IL1RAPL2: variants seen among roughly 807,000 people sequenced by gnomAD.
IL1RAPL2 encodes X-linked interleukin-1 receptor accessory protein-like 2.
A neutral mutation model predicts 44.1 loss-of-function variants in IL1RAPL2; 3 were observed. The observed-to-expected ratio is 0.07, with a 90% CI of 0.03 to 0.18. The LOEUF (loss-of-function observed/expected upper bound fraction) is 0.18, where lower values mean the gene tolerates loss of function less well. IL1RAPL2 is among the 10% of genes least tolerant of loss of function. The pLI, the probability that IL1RAPL2 is intolerant of heterozygous loss-of-function variation, is 1.00. For missense variants in IL1RAPL2, 391 were observed against 496.4 expected, an observed-to-expected ratio of 0.79 and a Z score of 2.02; for synonymous variants, 181 against 178.8, an observed-to-expected ratio of 1.01 and a Z score of -0.10.
chrX:105,435,117 T>G (rs2035872649), intron 5 of IL1RAPL2, among the ~76,000 whole-genome samples: 1 of 111,885 alleles, frequency 8.9e-6, no homozygotes, highest in South Asian at 3.7e-4. Context: ...TACTGTAGCC[T>G]TGTAGTATAG....
chrX:105,048,345 G>A (rs1365048624), intron 2 of IL1RAPL2, among the ~76,000 whole-genome samples: 2 of 111,822 alleles, frequency 1.8e-5, no homozygotes, highest in African/African-American at 6.5e-5. Context: ...TAAATCACTG[G>A]ACTGATTTGT....
intron 5 of IL1RAPL2, among the ~76,000 whole-genome samples, chrX:105,396,525 T>A (rs1197717300): frequency 9.9e-6 from 1 of 100,653 alleles, no homozygotes; most frequent in Non-Finnish European, 2.0e-5. Context: ...TCTATGTCTT[T>A]TATGTTATTT....
At chrX:104,606,430 C>T (rs992631544) in intron 1 of IL1RAPL2, among the ~76,000 whole-genome samples, 1 of 111,888 alleles carries the variant, frequency 8.9e-6, no homozygotes, top group Admixed American at 9.5e-5. Context: ...TGCCCTCTCT[C>T]ACCACTCTTA....
At chrX:105,327,685 T>C (rs2034951202) in intron 5 of IL1RAPL2, among the ~76,000 whole-genome samples, 1 of 111,395 alleles carries the variant, frequency 9.0e-6, no homozygotes, top group East Asian at 2.8e-4. Flanking sequence ...TAGGGGCTGG[T>C]AGGAAGGCTT....
chrX:105,133,264 T>A (rs954737171), intron 2 of IL1RAPL2, among the ~76,000 whole-genome samples: 1 of 111,905 alleles, frequency 8.9e-6, no homozygotes, highest in Non-Finnish European at 1.9e-5. Context: ...GTAACATTAT[T>A]TTTATTGATT....
At chrX:105,023,339 C>T (rs2031313885) in intron 2 of IL1RAPL2, among the ~76,000 whole-genome samples, 1 of 111,450 alleles carries the variant, frequency 9.0e-6, no homozygotes, top group Non-Finnish European at 1.9e-5. Context: ...TATCAGATGT[C>T]TTCCCTGATC....
intron 2 of IL1RAPL2, among the ~76,000 whole-genome samples, chrX:104,991,781 C>T (rs2030666801): frequency 1.8e-5 from 2 of 111,437 alleles, no homozygotes; most frequent in Non-Finnish European, 3.8e-5. Context: ...GTGGGGAAGA[C>T]AACTAAGAAA....
At chrX:104,600,246 G>C (rs974041081) in intron 1 of IL1RAPL2, among the ~76,000 whole-genome samples, 1 of 111,748 alleles carries the variant, frequency 8.9e-6, no homozygotes, top group South Asian at 3.8e-4. Context: ...TCTTTGACAT[G>C]TAACCTAACA....
chrX:104,662,863 G>T (rs1269490637), intron 2 of IL1RAPL2, among the ~76,000 whole-genome samples: 2 of 111,832 alleles, frequency 1.8e-5, no homozygotes, highest in Non-Finnish European at 3.8e-5. Flanking sequence ...GCATCAGTCT[G>T]ATGAGTGGGT....
chrX:105,363,587 C>T (rs780762920), intron 5 of IL1RAPL2, among the ~76,000 whole-genome samples: 1 of 108,356 alleles, frequency 9.2e-6, no homozygotes, highest in South Asian at 3.9e-4. Flanking sequence ...TCTTTTTTCT[C>T]CATATCTTTG....
At chrX:104,601,511 G>T (rs1478968180) in intron 1 of IL1RAPL2, among the ~76,000 whole-genome samples, 2 of 111,945 alleles carry the variant, frequency 1.8e-5, no homozygotes, top group Non-Finnish European at 3.8e-5. Flanking sequence ...TTTGGGTAAA[G>T]AATGATCCTG....
chrX:105,742,903 C>T (rs1254721792), intron 8 of IL1RAPL2, among the ~76,000 whole-genome samples: 1 of 111,703 alleles, frequency 9.0e-6, no homozygotes, highest in African/African-American at 3.3e-5. Flanking sequence ...CCTTCTCCAT[C>T]TCCATCACCA....
chrX:105,334,880 A>G (rs945294573), intron 5 of IL1RAPL2, among the ~76,000 whole-genome samples: 1 of 111,422 alleles, frequency 9.0e-6, no homozygotes, highest in Non-Finnish European at 1.9e-5. Flanking sequence ...CATAAAAAAC[A>G]TGCAACAAAA....
chrX:105,524,129 C>T (rs1158470163), intron 6 of IL1RAPL2, among the ~76,000 whole-genome samples: 1 of 111,233 alleles, frequency 9.0e-6, no homozygotes, highest in Non-Finnish European at 1.9e-5. Context: ...AAAAGATGAG[C>T]AAGAAATAGA....
At chrX:105,549,348 T>C (rs1466931194) in intron 6 of IL1RAPL2, among the ~76,000 whole-genome samples, 1 of 112,347 alleles carries the variant, frequency 8.9e-6, no homozygotes, top group Non-Finnish European at 1.9e-5. Flanking sequence ...TTGTTAGGAA[T>C]TATAGAAACC....
intron 2 of IL1RAPL2, among the ~76,000 whole-genome samples, chrX:104,770,618 A>G (rs1264473724): frequency 8.9e-6 from 1 of 112,297 alleles, no homozygotes; most frequent in Non-Finnish European, 1.9e-5. Flanking sequence ...CTAAAGTAAT[A>G]CAACTAGTAA....
At chrX:105,357,982 C>T (rs113113833) in intron 5 of IL1RAPL2, among the ~76,000 whole-genome samples, 3 of 94,024 alleles carry the variant, frequency 3.2e-5, no homozygotes, top group African/African-American at 1.2e-4. Flanking sequence ...CTGCAGTGAG[C>T]TATGATTGTA....
chrX:104,701,465 C>T (rs772097721), intron 2 of IL1RAPL2, among the ~76,000 whole-genome samples: 4 of 111,483 alleles, frequency 3.6e-5, no homozygotes, highest in African/African-American at 1.3e-4. Context: ...TTTCTAGTGA[C>T]ACAGATTGTA....
chrX:104,825,020 C>T (rs1472233391), intron 2 of IL1RAPL2, among the ~76,000 whole-genome samples: 3 of 111,163 alleles, frequency 2.7e-5, no homozygotes, highest in Admixed American at 9.6e-5. Context: ...GGGAATATAC[C>T]CTATAGACGA....
Sources: gnomAD v4.1 joint callset for allele counts (sites outside exome capture counted in the v4.1 genomes callset) on GRCh38, gnomAD v4.1.1 for gene constraint, MANE v1.5 for transcripts, NCBI Gene and HGNC (gene_info 2026-07-23, HGNC 2026-07-21) for gene names.